The following SNX20 variants were observed in gnomAD, a reference collection of about 807,000 sequenced individuals.
SNX20 encodes sorting nexin 20.
In SNX20, 21 loss-of-function variants were observed where a neutral mutation model predicts 24.5. The observed-to-expected ratio is 0.86, with a 90% confidence interval of 0.61 to 1.23. The LOEUF (loss-of-function observed/expected upper bound fraction) is 1.23, where lower values mean the gene tolerates loss of function less well. Among genes scored for constraint, SNX20 ranks in the 50% most tolerant of loss-of-function variants. The probability of loss-of-function intolerance (pLI) is 0.00; values close to 1 mark genes in which losing one functional copy is unlikely to be tolerated. For missense variants in SNX20, 433 were observed against 430.8 expected (o/e 1.00, Z -0.04); for synonymous variants, 206 against 192.8 (o/e 1.07, Z -0.57).
intron 3 of SNX20, among the ~76,000 whole-genome samples, chr16:50,675,548 C>T (rs1257219939): frequency 6.6e-6 from 1 of 152,226 alleles, no homozygotes; most frequent in African/African-American, 2.4e-5. Context: ...CTATTTCCTT[C>T]TTGGGACCAA....
Position 50,673,607 on chromosome 16 carries a change from T to C in SNX20, c.750A>G (p.Gly250=). ...LDRPAEAFAA[G]ERALQRLQAR... ...CCTGCAGGCGCTGCAGGGCCCTCTC[T>C]CCGGCCGCGAAGGCCTCGGCGGGGC... The change falls in exon 4 of 4, where the codon GGA becomes GGG. Residue 250 remains glycine (G), a synonymous_variant. Transcript: ENST00000330943. This position sits in a 1 kb window ranked among gnomAD's most constrained non-coding sequence, Gnocchi z 4.1. The C allele has an allele frequency of 6.3e-7, 1 of 1,576,836 alleles. No individual in the cohort carries two copies. The highest frequency in any genetic ancestry group is 8.6e-7 in the Non-Finnish European group (1 of 1,168,478).
chr16:50,674,094 A>C lies in SNX20; in HGVS notation c.283-20T>G. ...GTACACCTAGGGCGCAACCAGAGAG[A>C]GCTGTGGCCACCTCCCGGCGGGGGC... On this transcript the variant is annotated intron_variant, in intron 3 of 3. Coordinates refer to ENST00000330943, the MANE Select transcript of SNX20 (RefSeq NM_182854.4). The C allele has an allele frequency of 6.4e-7, 1 of 1,565,648 alleles. No individual in the cohort carries two copies. The highest frequency in any genetic ancestry group is 8.7e-7 in the Non-Finnish European group (1 of 1,155,544).
chr16:50,680,647 G>A (rs1596800980), intron 1 of SNX20, among the ~76,000 whole-genome samples: 3 of 152,176 alleles, frequency 2.0e-5, no homozygotes, highest in Admixed American at 2.0e-4. Flanking sequence ...AGAGATCCCA[G>A]GATGTTGGAT....
At chr16:50,669,238 TAAAGA>T (rs1402232286), downstream of SNX20, 1 of 710,460 alleles carries the variant, frequency 1.4e-6, no homozygotes, top group Non-Finnish European at 2.6e-6. Context: ...GGGTAGCTTA[TAAAGA>T]AAAGAGGGTT....
chr16:50,669,275 G>C (rs1212579915), downstream of SNX20: 3 of 629,316 alleles, frequency 4.8e-6, no homozygotes, highest in Non-Finnish European at 2.9e-6. Flanking sequence ...AGTTGTGCAG[G>C]TTGTACAGAA....
chr16:50,677,962 T>C (rs932794690), intron 1 of SNX20, among the ~76,000 whole-genome samples: 6 of 152,132 alleles, frequency 3.9e-5, no homozygotes, highest in African/African-American at 1.4e-4. Context: ...ATCCCAGCGC[T>C]TTGGGAGGCT....
Position 50,673,304 on chromosome 16 carries a change from A to T in SNX20, c.*102T>A. On this transcript the variant is annotated 3_prime_UTR_variant, in exon 4 of 4. Coordinates refer to ENST00000330943, the MANE Select transcript of SNX20 (RefSeq NM_182854.4). This position sits in a 1 kb window ranked among gnomAD's most constrained non-coding sequence, Gnocchi z 4.1. ...TGACAGAGCAAGACTGTCTCAAATA[A>T]CAAAAAAGAAAAGGAAAAATAAAAA... 1 of 1,398,970 alleles carries T rather than the reference A, an allele frequency of 7.1e-7. No homozygotes were observed. Among genetic ancestry groups the T allele is most frequent in the Non-Finnish European group, 9.3e-7 (1 of 1,076,922 alleles). The allele number at this position is 1,398,970 out of a possible 1,614,324, so 86.7% of individuals were successfully genotyped here.
At chr16:50,680,811 G>A (rs1963281236) in intron 1 of SNX20, among the ~76,000 whole-genome samples, 1 of 152,200 alleles carries the variant, frequency 6.6e-6, no homozygotes, top group South Asian at 2.1e-4. Context: ...TCCAAGAGCA[G>A]GTTTCCTGGC....
chr16:50,673,825 G>C lies in SNX20; in HGVS notation c.532C>G (p.Arg178Gly), dbSNP rs1334130522. 4 of 1,597,532 alleles carry C rather than the reference G, an allele frequency of 2.5e-6. No individual in the cohort carries two copies. The South Asian group carries it at 4.4e-5, about 18-fold the overall frequency. Reference sequence around the variant, plus strand: ...CGCGTGAGGAAGTCCAGGAACTCCCGGGAGCGGCGCACGCAGCGGATGGCG... The same window carrying C: ...CGCGTGAGGAAGTCCAGGAACTCCCCGGAGCGGCGCACGCAGCGGATGGCG... ...LYAIRCVRRSREFLDFLTRPE... is the reference protein window; with the variant it reads ...LYAIRCVRRSGEFLDFLTRPE... Residue 178 changes from arginine to glycine, a missense_variant, in exon 4 of 4, where the codon CGG (arginine) becomes GGG (glycine). By Grantham distance (125) the Arg-to-Gly change is moderately radical. Coordinates refer to ENST00000330943, the MANE Select transcript of SNX20 (RefSeq NM_182854.4). The surrounding 1 kb of genome is among the most constrained non-coding windows in gnomAD (Gnocchi z 4.1).
chr16:50,666,826 C>G (rs185359073), downstream of SNX20: 4 of 152,298 alleles, frequency 2.6e-5, no homozygotes, highest in Admixed American at 2.0e-4. Flanking sequence ...ATGGGGGAGT[C>G]CTCTGAGGTT....
At chr16:50,670,650 T>TG (rs903551234), downstream of SNX20, 1 of 152,162 alleles carries the variant, frequency 6.6e-6, no homozygotes, top group Non-Finnish European at 1.5e-5. Flanking sequence ...TTGCTGGAGG[T>TG]GGGGGCCTAA....
intron 3 of SNX20, among the ~76,000 whole-genome samples, 155 bp from the exon 4 acceptor site, chr16:50,674,229 G>GTTTATTTATTTA (rs752759802): frequency 6.6e-4 from 86 of 131,124 alleles, no homozygotes; most frequent in East Asian, 5.4e-3. Context: ...TTGTTTGTTT[G>GTTTATTTATTTA]TTTATTTATT....
Position 50,673,270 on chromosome 16 carries a change from C to A in SNX20, c.*136G>T. The A allele has an allele frequency of 7.7e-7, 1 of 1,301,942 alleles. No homozygotes were observed. 80.6% of individuals were successfully genotyped at this position (1,301,942 alleles called of 1,614,324 possible). A position where few individuals can be genotyped will look rare whatever the true frequency, so the allele number is the denominator to read the frequency against. ...GAGACATAATTGAGCCACTGCACTT[C>A]AGTCTGGGTGACAGAGCAAGACTGT... On this transcript the variant is annotated 3_prime_UTR_variant, in exon 4 of 4. Transcript: ENST00000330943. The surrounding 1 kb of genome is among the most constrained non-coding windows in gnomAD (Gnocchi z 4.1).
rs1380428334 is a variant in SNX20 at position 50,673,415 on chromosome 16, G to C, written c.942C>G (p.Tyr314Ter). Residue 314 changes from tyrosine to a stop codon, truncating the protein, a stop_gained, in exon 4 of 4, where the codon TAC (tyrosine) becomes TAG (stop). Coordinates refer to ENST00000330943, the MANE Select transcript of SNX20 (RefSeq NM_182854.4). LOFTEE classifies it high-confidence loss of function. This position sits in a 1 kb window ranked among gnomAD's most constrained non-coding sequence, Gnocchi z 4.1. Reference sequence around the variant, plus strand: ...GGGGTCCCAGGCCGGCTCAGTGCAGGTATTCTCGCACAGTGAGCTCCTTCA... The same window carrying C: ...GGGGTCCCAGGCCGGCTCAGTGCAGCTATTCTCGCACAGTGAGCTCCTTCA... ...ITLKELTVRE[Y>*]LH 4 of 1,550,500 alleles carry C rather than the reference G, an allele frequency of 2.6e-6. No homozygotes were observed. The highest frequency in any genetic ancestry group is 3.5e-6 in the Non-Finnish European group (4 of 1,146,102).
intron 3 of SNX20, among the ~76,000 whole-genome samples, chr16:50,675,273 A>C (rs1051842289): frequency 6.6e-6 from 1 of 152,230 alleles, no homozygotes; most frequent in Non-Finnish European, 1.5e-5. Context: ...ACCAGCTAGA[A>C]TTTAATAACA....
intron 1 of SNX20, among the ~76,000 whole-genome samples, chr16:50,678,550 T>G (rs753825427): frequency 5.9e-5 from 9 of 152,240 alleles, no homozygotes; most frequent in Non-Finnish European, 1.2e-4. Context: ...CACTCAGGAC[T>G]GTTTACATCT....
rs1327369786 is a variant in SNX20, at chr16:50,681,276, C to T, written c.-96G>A. On this transcript the variant is annotated 5_prime_UTR_variant, in exon 1 of 4. Transcript: ENST00000330943. ...AGCTCTTGGTTCTCAGCTCCGGCGACAAGCCGAGGGGCTGCCACTTTCTAA... is the reference window on the plus strand; with the variant it reads ...AGCTCTTGGTTCTCAGCTCCGGCGATAAGCCGAGGGGCTGCCACTTTCTAA... 1 of 152,392 alleles carries T rather than the reference C, an allele frequency of 6.6e-6. No individual in the cohort carries two copies. The highest frequency in any genetic ancestry group is 1.5e-5 in the Non-Finnish European group (1 of 68,120). 9.4% of individuals were successfully genotyped at this position (152,392 alleles called of 1,614,324 possible).
At chr16:50,676,050 T>A (rs760901095) in intron 2 of SNX20, 129 bp from the exon 3 acceptor site, 14 of 1,021,146 alleles carry the variant, frequency 1.4e-5, no homozygotes, top group Non-Finnish European at 1.9e-5. Context: ...TATCCCTCTC[T>A]CCCACCCCGC....
chr16:50,674,142 G>C (rs1268732022), intron 3 of SNX20, 68 bp from the exon 4 acceptor site: 1 of 1,507,234 alleles, frequency 6.6e-7, no homozygotes, highest in Non-Finnish European at 8.8e-7. Context: ...AGCACACCCA[G>C]AGTAAAGTTA....
Sources: gnomAD v4.1 joint callset for allele counts (sites outside exome capture counted in the v4.1 genomes callset) on GRCh38, gnomAD v4.1.1 for gene constraint, Gnocchi (gnomAD v3.1) non-coding constraint, MANE v1.5 for transcripts, NCBI Gene and HGNC (gene_info 2026-07-23, HGNC 2026-07-21) for gene names.